Variants in TTC34 observed in about 807,000 individuals in gnomAD.
TTC34 encodes tetratricopeptide repeat domain 34.
TTC34 carries 44 observed loss-of-function variants against 40.7 expected under a neutral mutation model. The ratio of observed to expected loss-of-function variants is 1.08; its 90% CI spans 0.85 to 1.39. TTC34 has a LOEUF of 1.39. TTC34 is among the 40% of genes most tolerant of loss of function. The pLI is 0.00. For missense variants in TTC34, 884 were observed against 838.0 expected (o/e 1.05, Z -0.68); for synonymous variants, 422 against 398.6 (o/e 1.06, Z -0.70).
At chr1:2,642,977 C>G (rs1638938127) in intron 8 of TTC34, among the ~76,000 whole-genome samples, 1 of 152,264 alleles carries the variant, frequency 6.6e-6, no homozygotes, top group South Asian at 2.1e-4. Flanking sequence ...GGGACCGCCC[C>G]TCTCCGGGCG....
chr1:2,789,694 G>C (rs917915047), exon 3 of TTC34: 165 of 1,196,868 alleles, frequency 1.4e-4, no homozygotes, highest in Middle Eastern at 3.0e-4. Context: ...GCAGCCTGCA[G>C]GCGGTGACAT....
At chr1:2,751,966 A>C (rs1641335210) in intron 6 of TTC34, among the ~76,000 whole-genome samples, 1 of 117,150 alleles carries the variant, frequency 8.5e-6, no homozygotes, top group African/African-American at 3.9e-5. Context: ...AGCAGCGCCC[A>C]CACCCCCAGG....
chr1:2,646,034 CG>C (rs1383619113), intron 6 of TTC34, among the ~76,000 whole-genome samples: 2 of 152,110 alleles, frequency 1.3e-5, no homozygotes, highest in African/African-American at 4.8e-5. Context: ...TTGGGGACGC[CG>C]GAAGGGTAGA....
exon 9 of TTC34, chr1:2,641,652 G>A (rs1380459631): frequency 6.5e-7 from 1 of 1,535,384 alleles, no homozygotes; most frequent in South Asian, 1.2e-5. Context: ...CTCAGCAGCA[G>A]GCGACCCTGA....
chr1:2,651,661 C>T (rs1337466294), intron 6 of TTC34, among the ~76,000 whole-genome samples: 3 of 151,152 alleles, frequency 2.0e-5, no homozygotes, highest in African/African-American at 7.3e-5. Flanking sequence ...ATCTGACAGC[C>T]TGGGAAGTCA....
intron 6 of TTC34, among the ~76,000 whole-genome samples, chr1:2,769,662 C>G (rs372201587): frequency 7.7e-6 from 1 of 129,090 alleles, no homozygotes; most frequent in African/African-American, 3.1e-5. Flanking sequence ...CCTGGAGCAG[C>G]ACCCTACACC....
intron 8 of TTC34, 73 bp from the exon 9 acceptor site, chr1:2,641,968 G>A (rs1638917402): frequency 2.1e-6 from 3 of 1,403,660 alleles, no homozygotes; most frequent in Non-Finnish European, 2.8e-6. Context: ...CTGCCCTGCA[G>A]AGGTCCTCTG....
chr1:2,683,775 G>T (rs868122527), intron 6 of TTC34, among the ~76,000 whole-genome samples: 3 of 24,350 alleles, frequency 1.2e-4, no homozygotes, highest in African/African-American at 5.1e-4. Context: ...CATCTGACAG[G>T]CTGGAGCAGC....
chr1:2,677,731 C>A (rs141838815), intron 6 of TTC34, among the ~76,000 whole-genome samples: 3 of 94,348 alleles, frequency 3.2e-5, no homozygotes, highest in Admixed American at 1.1e-4. Context: ...GCACCCTGCA[C>A]CCCCAGGTGA....
chr1:2,753,366 G>A (rs1342611873), intron 6 of TTC34, among the ~76,000 whole-genome samples: 18 of 125,720 alleles, frequency 1.4e-4, no homozygotes, highest in Non-Finnish European at 1.9e-4. Context: ...GCCTAGAACA[G>A]CACCCACACC....
intron 6 of TTC34, among the ~76,000 whole-genome samples, chr1:2,750,107 T>G (rs1641266511): frequency 1.4e-5 from 2 of 146,422 alleles, no homozygotes; most frequent in African/African-American, 2.6e-5. Context: ...TCTGACAGCC[T>G]GGAACAGCAC....
chr1:2,646,756 G>A (rs1183708327), intron 6 of TTC34, among the ~76,000 whole-genome samples: 2 of 152,220 alleles, frequency 1.3e-5, no homozygotes, highest in Non-Finnish European at 2.9e-5. Flanking sequence ...TGTATTTGCA[G>A]ATGCTTTTCA....
At chr1:2,793,715 G>A (rs1643685596) in intron 2 of TTC34, among the ~76,000 whole-genome samples, 1 of 152,202 alleles carries the variant, frequency 6.6e-6, no homozygotes, top group South Asian at 2.1e-4. Flanking sequence ...ACACTCATCT[G>A]TCACCTGTTA....
chr1:2,756,671 AGGT>A (rs1641517095), intron 6 of TTC34, among the ~76,000 whole-genome samples: 4 of 4,308 alleles, frequency 9.3e-4, no homozygotes, highest in Non-Finnish European at 1.3e-3. Flanking sequence ...CCACACCCCC[AGGT>A]GAGCAGCTGA....
chr1:2,772,950 A>G (rs1238014595), intron 6 of TTC34, among the ~76,000 whole-genome samples: 3 of 130,234 alleles, frequency 2.3e-5, no homozygotes, highest in Non-Finnish European at 4.8e-5. Context: ...CCAGGCGAGC[A>G]TCTGACAGCC....
At chr1:2,784,431 G>A (rs1643545059) in intron 5 of TTC34, among the ~76,000 whole-genome samples, 1 of 152,154 alleles carries the variant, frequency 6.6e-6, no homozygotes, top group Non-Finnish European at 1.5e-5. Flanking sequence ...TAGACCTCTG[G>A]ATGACTGTGG....
chr1:2,753,297 C>A (rs1641388018), intron 6 of TTC34, among the ~76,000 whole-genome samples: 1 of 128,386 alleles, frequency 7.8e-6, no homozygotes. Context: ...ACCCTGCACA[C>A]CCAGGTGAGC....
chr1:2,767,982 G>A (rs867775643), intron 6 of TTC34, among the ~76,000 whole-genome samples: 1 of 149,990 alleles, frequency 6.7e-6, no homozygotes, highest in Non-Finnish European at 1.5e-5. Context: ...CAGGTGATGT[G>A]ACTGCGTGGA....
At chr1:2,686,749 AAC>A (rs1640372486) in intron 6 of TTC34, among the ~76,000 whole-genome samples, 1 of 142,320 alleles carries the variant, frequency 7.0e-6, no homozygotes, top group Non-Finnish European at 1.5e-5. Flanking sequence ...GACAGCCTGG[AAC>A]GGCACCCACA....
Sources: gnomAD v4.1 joint callset for allele counts (sites outside exome capture counted in the v4.1 genomes callset) on GRCh38, gnomAD v4.1.1 for gene constraint, MANE v1.5 for transcripts, NCBI Gene and HGNC (gene_info 2026-07-23, HGNC 2026-07-21) for gene names.